Variants in BMPER observed in about 807,000 individuals in gnomAD.
BMPER encodes BMP-binding endothelial regulator protein.
In BMPER, 45 loss-of-function variants were observed where a neutral mutation model predicts 87.3. The observed-to-expected ratio is 0.52, with a 90% confidence interval of 0.41 to 0.66. The LOEUF is 0.66. BMPER is among the 30% of genes least tolerant of loss of function. The probability of loss-of-function intolerance (pLI) is 0.00; values close to 1 mark genes in which losing one functional copy is unlikely to be tolerated. For missense variants in BMPER, 784 were observed against 867.5 expected, an observed-to-expected ratio of 0.90 and a Z score of 1.21; for synonymous variants, 326 against 316.2, an observed-to-expected ratio of 1.03 and a Z score of -0.33.
rs181704844 is a variant in BMPER at position 33,913,070 on chromosome 7, G to A, written c.219+6167G>A. On this transcript the variant is annotated intron_variant, in intron 2 of 14. Coordinates refer to ENST00000649409, the MANE Select transcript of BMPER (RefSeq NM_001365308.1). The stretch of plus-strand genomic sequence containing the variant: ...ACATATATAAATAAGAAACTTTATA[G>A]GAGTGACAGAAAAGCACTGTAATAG... Among the ~76,000 whole-genome samples, 10 of 152,298 alleles carry A rather than the reference G, an allele frequency of 6.6e-5. No individual in the cohort carries two copies. In the East Asian group the frequency reaches 1.5e-3, roughly 23 times the overall value.
chr7:34,146,012 G>A (rs1032845541), intron 14 of BMPER, among the ~76,000 whole-genome samples: 2 of 151,872 alleles, frequency 1.3e-5, no homozygotes, highest in Non-Finnish European at 2.9e-5. Flanking sequence ...GAATGTTTTA[G>A]ACACACACAT....
chr7:33,936,232 G>A (rs377662825), intron 2 of BMPER, among the ~76,000 whole-genome samples: 3 of 152,278 alleles, frequency 2.0e-5, no homozygotes, highest in Admixed American at 6.5e-5. Context: ...GAGAGTTCTA[G>A]GTTCATTTCA....
chr7:34,096,259 C>T (rs1462377420), intron 13 of BMPER, among the ~76,000 whole-genome samples: 1 of 152,178 alleles, frequency 6.6e-6, no homozygotes, highest in Non-Finnish European at 1.5e-5. Context: ...CATTATGAGG[C>T]CAGCATCATG....
At chr7:34,046,132 G>T (rs893398666) in intron 6 of BMPER, among the ~76,000 whole-genome samples, 174 bp from the exon 7 acceptor site, 3 of 152,190 alleles carry the variant, frequency 2.0e-5, no homozygotes, top group African/African-American at 7.2e-5. Flanking sequence ...GCTGCAATTT[G>T]TATGGCCTAC....
At chr7:33,984,791 T>A (rs1311063976) in intron 6 of BMPER, among the ~76,000 whole-genome samples, 6 of 152,248 alleles carry the variant, frequency 3.9e-5, no homozygotes, top group Admixed American at 3.9e-4. Flanking sequence ...CTAGAAAAGA[T>A]CATTCCTTTA....
At chr7:34,036,899 A>C (rs1277645620) in intron 6 of BMPER, among the ~76,000 whole-genome samples, 1 of 152,200 alleles carries the variant, frequency 6.6e-6, no homozygotes, top group Non-Finnish European at 1.5e-5. Flanking sequence ...AAAGAAAACA[A>C]ACACATGAAC....
chr7:33,963,961 G>A (rs909092771), intron 3 of BMPER, among the ~76,000 whole-genome samples: 2 of 152,048 alleles, frequency 1.3e-5, no homozygotes, highest in Non-Finnish European at 2.9e-5. Flanking sequence ...ATAAAAATAG[G>A]GCAAGATATT....
At position 34,070,339 on chromosome 7, in the gene BMPER, T is replaced by C. The variant is rs57519082; in HGVS notation, c.1078+8292T>C. Among the ~76,000 whole-genome samples, 1,299 of 152,328 alleles carry C rather than the reference T, an allele frequency of 8.5e-3. 12 individuals are homozygous for C. Among genetic ancestry groups the C allele is most frequent in the African/African-American group, 0.03 (1,231 of 41,568 alleles). ...CCCCATATCCCAGCTGCACAAGATT[T>C]GAGCCTTAATGTTATTTCTCATACT... is the stretch of plus-strand genomic sequence containing the variant. On this transcript the variant is annotated intron_variant, in intron 11 of 14. Transcript: ENST00000649409.
rs140183159 is a variant in BMPER at position 34,035,028 on chromosome 7, A to G, written c.577-11278A>G. On this transcript the variant is annotated intron_variant, in intron 6 of 14. Coordinates refer to ENST00000649409, the MANE Select transcript of BMPER (RefSeq NM_001365308.1). ...ACTGTACACTTGTTTTTCTTTGATC[A>G]TATATGGCCTAGATTAGGATAGTCC... 2.4e-3 allele frequency among the ~76,000 whole-genome samples: 363 copies of G among 152,266 alleles called. 1 individual carries two copies. Among genetic ancestry groups the G allele is most frequent in the African/African-American group, 8.0e-3 (333 of 41,562 alleles).
At chr7:34,086,210 G>A (rs2127977237) in intron 13 of BMPER, 118 bp downstream of exon 13, 2 of 1,146,286 alleles carry the variant, frequency 1.7e-6, no homozygotes, top group Non-Finnish European at 2.5e-6. Context: ...CCCAGGGTAG[G>A]CATCTTCTTG....
intron 2 of BMPER, among the ~76,000 whole-genome samples, chr7:33,925,464 T>A (rs1326686780): frequency 1.3e-5 from 2 of 152,208 alleles, no homozygotes; most frequent in African/African-American, 4.8e-5. Flanking sequence ...AGCAATATAA[T>A]TCTAGAATAA....
chr7:33,937,513 G>GGT (rs376953621), intron 3 of BMPER, 125 bp downstream of exon 3: 11,078 of 730,166 alleles, frequency 0.015, 308 homozygotes, highest in African/African-American at 0.11. Flanking sequence ...GGAGAAGTAG[G>GGT]GTGTGTGTGT....
intron 2 of BMPER, among the ~76,000 whole-genome samples, chr7:33,933,058 G>T (rs1784518185): frequency 6.6e-6 from 1 of 152,194 alleles, no homozygotes; most frequent in African/African-American, 2.4e-5. Context: ...CCATCTCGTG[G>T]CAGATCTCAG....
chr7:34,066,252 G>A (rs1244964181), intron 11 of BMPER, among the ~76,000 whole-genome samples: 4 of 152,200 alleles, frequency 2.6e-5, no homozygotes, highest in East Asian at 3.8e-4. Flanking sequence ...GCACAATGCC[G>A]TTGTCCTCCC....
chr7:34,046,551 A>G lies in BMPER; in HGVS notation c.676+146A>G, dbSNP rs544150262. ...GACAACTCCCTCTTCTAATTACAGA[A>G]GTGGAAGGTGTGTACAGGGTTTGCT... On this transcript the variant is annotated intron_variant, in intron 7 of 14. Coordinates refer to ENST00000649409, the MANE Select transcript of BMPER (RefSeq NM_001365308.1). 3.1e-5 allele frequency: 27 copies of G among 858,342 alleles called. No homozygotes were observed. In the East Asian group the frequency reaches 6.8e-4, roughly 22 times the overall value. 53.2% of individuals were successfully genotyped at this position (858,342 alleles called of 1,614,324 possible). A position where few individuals can be genotyped will look rare whatever the true frequency, so the allele number is the denominator to read the frequency against.
intron 6 of BMPER, among the ~76,000 whole-genome samples, chr7:34,040,581 C>T (rs1242187894): frequency 6.6e-6 from 1 of 152,000 alleles, no homozygotes; most frequent in East Asian, 1.9e-4. Flanking sequence ...CTAGATTGAG[C>T]ACCCTGAATA....
intron 13 of BMPER, among the ~76,000 whole-genome samples, chr7:34,112,012 G>A (rs1398205200): frequency 2.0e-5 from 3 of 152,064 alleles, no homozygotes; most frequent in Non-Finnish European, 4.4e-5. Flanking sequence ...TATCTAAATG[G>A]TTACAAAAGA....
intron 6 of BMPER, among the ~76,000 whole-genome samples, chr7:34,044,235 C>T (rs1283015619): frequency 6.6e-6 from 1 of 152,158 alleles, no homozygotes; most frequent in African/African-American, 2.4e-5. Flanking sequence ...AAAATTACTT[C>T]AGTACACATA....
At chr7:34,091,734 C>T (rs1789386886) in intron 13 of BMPER, among the ~76,000 whole-genome samples, 1 of 152,110 alleles carries the variant, frequency 6.6e-6, no homozygotes, top group Non-Finnish European at 1.5e-5. Context: ...TATTTATATC[C>T]TACTGCTCAA....
Sources: allele counts gnomAD v4.1 joint callset (sites outside exome capture counted in the v4.1 genomes callset), GRCh38; gene constraint gnomAD v4.1.1; transcripts MANE v1.5; gene names NCBI Gene and HGNC (gene_info 2026-07-23, HGNC 2026-07-21).